The following SLC35F4 variants were observed in gnomAD, a reference collection of about 807,000 sequenced individuals.
SLC35F4 encodes the protein solute carrier family 35 member F4, also known as chromosome 14 open reading frame 36.
Under a neutral mutation model 44.2 loss-of-function variants are expected in SLC35F4, and 24 were observed. The observed-to-expected ratio is 0.54, with a 90% CI of 0.39 to 0.76. The LOEUF (loss-of-function observed/expected upper bound fraction) is 0.76, where lower values mean the gene tolerates loss of function less well. Among genes scored for constraint, SLC35F4 ranks in the 30% least tolerant of loss-of-function variants. The pLI is 0.00. For missense variants in SLC35F4, 562 were observed against 586.1 expected, an observed-to-expected ratio of 0.96 and a Z score of 0.42; for synonymous variants, 238 against 223.6, an observed-to-expected ratio of 1.06 and a Z score of -0.57.
chr14:57,898,304 C>A (rs1462293681), intron 1 of SLC35F4, among the ~76,000 whole-genome samples: 1 of 152,224 alleles, frequency 6.6e-6, no homozygotes, highest in Non-Finnish European at 1.5e-5. Context: ...TGCTATGGCA[C>A]CACATCAGTG....
At chr14:57,794,166 A>G (rs2077997747) in intron 1 of SLC35F4, among the ~76,000 whole-genome samples, 1 of 152,190 alleles carries the variant, frequency 6.6e-6, no homozygotes, top group South Asian at 2.1e-4. Flanking sequence ...AGTTATGACT[A>G]AGACCCCAAA....
chr14:57,687,240 A>C (rs2075094024), intron 1 of SLC35F4, among the ~76,000 whole-genome samples: 1 of 152,198 alleles, frequency 6.6e-6, no homozygotes, highest in South Asian at 2.1e-4. Context: ...GCAAGGTTTC[A>C]CTGGCTGAAA....
At chr14:57,686,673 G>A (rs1230204135) in intron 1 of SLC35F4, among the ~76,000 whole-genome samples, 1 of 151,988 alleles carries the variant, frequency 6.6e-6, no homozygotes, top group Admixed American at 6.6e-5. Flanking sequence ...ATTCCATTTC[G>A]GCACAAGACC....
At chr14:57,631,123 T>C (rs1046755025) in intron 1 of SLC35F4, 1 of 152,928 alleles carries the variant, frequency 6.5e-6, no homozygotes, top group African/African-American at 2.4e-5. Flanking sequence ...CAGACACATT[T>C]AGGTTCAGGG....
intron 1 of SLC35F4, among the ~76,000 whole-genome samples, chr14:57,745,847 A>T (rs1287215260): frequency 6.6e-6 from 1 of 152,206 alleles, no homozygotes; most frequent in Non-Finnish European, 1.5e-5. Flanking sequence ...ATGTCCATCA[A>T]TGATAGACTG....
intron 1 of SLC35F4, among the ~76,000 whole-genome samples, chr14:57,779,246 A>G (rs914157622): frequency 2.0e-5 from 3 of 152,076 alleles, no homozygotes; most frequent in Admixed American, 6.6e-5. Context: ...CTAGCTAGAC[A>G]AAGAAGAAAA....
chr14:57,680,690 T>C (rs1594782428), intron 1 of SLC35F4, among the ~76,000 whole-genome samples: 1 of 152,260 alleles, frequency 6.6e-6, no homozygotes, highest in African/African-American at 2.4e-5. Flanking sequence ...ACAAAATCCA[T>C]GTGCAAAAAT....
upstream of SLC35F4, among the ~76,000 whole-genome samples, chr14:57,869,618 T>C (rs973027551): frequency 3.9e-5 from 6 of 152,218 alleles, no homozygotes; most frequent in African/African-American, 1.4e-4. Context: ...AAAAGTAACT[T>C]GGCTGCTTGG....
downstream of SLC35F4, among the ~76,000 whole-genome samples, chr14:57,975,589 C>T (rs185835630): frequency 5.7e-4 from 86 of 152,076 alleles, no homozygotes; most frequent in African/African-American, 1.8e-3. Flanking sequence ...AGGAGGGAGT[C>T]GAAAATTTCA....
chr14:57,767,266 C>G (rs1031714922), intron 1 of SLC35F4, among the ~76,000 whole-genome samples: 2 of 152,258 alleles, frequency 1.3e-5, no homozygotes, highest in South Asian at 2.1e-4. Context: ...ACTGTACAGT[C>G]AATAACAGCA....
chr14:57,821,754 T>TG (rs1177609558), intron 1 of SLC35F4, among the ~76,000 whole-genome samples: 2 of 152,212 alleles, frequency 1.3e-5, no homozygotes, highest in African/African-American at 4.8e-5. Flanking sequence ...GTTGAAAGCC[T>TG]GGTGCTGGTC....
chr14:57,823,100 G>A (rs56259025), intron 1 of SLC35F4, among the ~76,000 whole-genome samples: 39,252 of 151,742 alleles, frequency 0.26, 5,443 homozygotes, highest in Admixed American at 0.38. Context: ...ACCACCCACA[G>A]TCCCCCACTG....
At chr14:57,707,653 G>C (rs2075712126) in intron 1 of SLC35F4, among the ~76,000 whole-genome samples, 1 of 152,128 alleles carries the variant, frequency 6.6e-6, no homozygotes, top group Non-Finnish European at 1.5e-5. Context: ...TGGGACATTG[G>C]TAGAAGATAC....
chr14:57,935,245 T>C (rs1324611634), intron 1 of SLC35F4, among the ~76,000 whole-genome samples: 7 of 152,230 alleles, frequency 4.6e-5, no homozygotes, highest in African/African-American at 1.7e-4. Flanking sequence ...TGTTCACAGC[T>C]AAATCCCAAG....
Position 57,915,432 on chromosome 14 carries a change from G to C in SLC35F4, n.282+66481C>G, listed in dbSNP as rs144136551. 1.4e-3 allele frequency among the ~76,000 whole-genome samples: 212 copies of C among 152,142 alleles called. 2 individuals carry two copies. In the Middle Eastern group the frequency reaches 0.034, roughly 25 times the overall value. Reference sequence around the variant, plus strand: ...ACTCTTTTATGCTTTACATGGCAAGGCTTCAAATTTCCCAAATATTTCCAT... The same window carrying C: ...ACTCTTTTATGCTTTACATGGCAAGCCTTCAAATTTCCCAAATATTTCCAT... On this transcript the variant is annotated intron_variant and non_coding_transcript_variant, in intron 1 of 1. Transcript: ENST00000556568.
intron 5 of SLC35F4, 46 bp from the exon 6 acceptor site, chr14:57,570,026 A>T: frequency 6.6e-7 from 1 of 1,517,906 alleles, no homozygotes; most frequent in Non-Finnish European, 8.8e-7. Flanking sequence ...ACTTAGCCAG[A>T]GCAGAAACGT....
chr14:57,670,966 A>T (rs1007846758), intron 1 of SLC35F4, among the ~76,000 whole-genome samples: 1 of 134,914 alleles, frequency 7.4e-6, no homozygotes, highest in Non-Finnish European at 1.5e-5. Context: ...GTGCAGTGGC[A>T]TGGTCTCAGC....
intron 1 of SLC35F4, among the ~76,000 whole-genome samples, chr14:57,801,464 T>C (rs2078191768): frequency 6.6e-6 from 1 of 152,032 alleles, no homozygotes; most frequent in Non-Finnish European, 1.5e-5. Flanking sequence ...TAAACAAGTC[T>C]GAAAAATAAC....
chr14:57,597,837 T>C (rs1001286426), intron 1 of SLC35F4, among the ~76,000 whole-genome samples: 1 of 152,128 alleles, frequency 6.6e-6, no homozygotes, highest in African/African-American at 2.4e-5. Flanking sequence ...GTATTGGAAA[T>C]CCCATTCTTT....
Sources: gnomAD v4.1 joint callset for allele counts (sites outside exome capture counted in the v4.1 genomes callset) on GRCh38, gnomAD v4.1.1 for gene constraint, MANE v1.5 for transcripts, NCBI Gene and HGNC (gene_info 2026-07-23, HGNC 2026-07-21) for gene names.